The following ATRNL1 variants were observed in gnomAD, a reference collection of about 807,000 sequenced individuals.
The protein encoded by ATRNL1 is attractin like 1.
A neutral mutation model predicts 182.7 loss-of-function variants in ATRNL1; 95 were observed. The observed-to-expected ratio is 0.52, with a 90% CI of 0.44 to 0.62. ATRNL1 has a LOEUF of 0.62. ATRNL1 is among the 20% of genes least tolerant of loss of function. The pLI is 0.00. For synonymous variants in ATRNL1, 576 were observed against 568.3 expected, an observed-to-expected ratio of 1.01 and a Z score of -0.19; for missense variants, 1,471 against 1,679.5, an observed-to-expected ratio of 0.88 and a Z score of 2.17.
At chr10:115,854,445 G>C (rs1428042451) in intron 28 of ATRNL1, among the ~76,000 whole-genome samples, 1 of 152,114 alleles carries the variant, frequency 6.6e-6, no homozygotes, top group Non-Finnish European at 1.5e-5. Flanking sequence ...AGCTTCATCT[G>C]CCCCTTGCCT....
intron 19 of ATRNL1, among the ~76,000 whole-genome samples, chr10:115,377,461 T>C (rs1166536592): frequency 6.6e-6 from 1 of 152,172 alleles, no homozygotes; most frequent in Non-Finnish European, 1.5e-5. Flanking sequence ...AGTGTGAAAA[T>C]GGACTAATAC....
intron 26 of ATRNL1, among the ~76,000 whole-genome samples, chr10:115,621,542 TC>T (rs1202739992): frequency 6.6e-6 from 1 of 151,972 alleles, no homozygotes; most frequent in Non-Finnish European, 1.5e-5. Flanking sequence ...GCTCAAGCAA[TC>T]CACCCACCTC....
intron 26 of ATRNL1, among the ~76,000 whole-genome samples, chr10:115,556,690 AAC>A (rs1853332961): frequency 6.6e-6 from 1 of 152,130 alleles, no homozygotes; most frequent in Non-Finnish European, 1.5e-5. Flanking sequence ...CATTTTACCT[AAC>A]AGACTTCAAT....
intron 17 of ATRNL1, among the ~76,000 whole-genome samples, chr10:115,307,523 A>G (rs927131581): frequency 6.6e-6 from 1 of 152,148 alleles, no homozygotes; most frequent in Admixed American, 6.5e-5. Flanking sequence ...TGGCCTCCCA[A>G]CATGCTGGGA....
intron 2 of ATRNL1, 68 bp downstream of exon 2, chr10:115,120,336 T>C (rs1391759163): frequency 2.4e-6 from 2 of 836,750 alleles, no homozygotes; most frequent in Non-Finnish European, 3.8e-6. Flanking sequence ...CATATTAATG[T>C]CAGAGCATTA....
At chr10:115,923,110 G>A (rs182274303) in intron 28 of ATRNL1, among the ~76,000 whole-genome samples, 2 of 152,246 alleles carry the variant, frequency 1.3e-5, no homozygotes, top group East Asian at 3.9e-4. Flanking sequence ...CTTAGCTGAA[G>A]GATTGCAGTG....
At chr10:115,507,654 G>A (rs1041014247) in intron 24 of ATRNL1, among the ~76,000 whole-genome samples, 25 of 151,954 alleles carry the variant, frequency 1.6e-4, no homozygotes, top group African/African-American at 5.3e-4. Context: ...GAGGTAATTC[G>A]GAGTATTAAG....
In ATRNL1 at chr10:115,156,673, A is replaced by T. The variant is rs782318349; in HGVS notation, c.830-3367A>T. On this transcript the variant is annotated intron_variant, in intron 5 of 28. Coordinates refer to ENST00000355044, the MANE Select transcript of ATRNL1 (RefSeq NM_207303.4). ...TAACCTGCGGAGAAGATTCTTTTTG[A>T]AATTGCACTATAAGGTGAATTTGTT... 8.4e-4 allele frequency among the ~76,000 whole-genome samples: 128 copies of T among 152,098 alleles called. 2 individuals are homozygous for T. Among genetic ancestry groups the T allele is most frequent in the Non-Finnish European group, 3.1e-4 (21 of 68,020 alleles).
chr10:115,748,792 A>G (rs950810514), intron 27 of ATRNL1, among the ~76,000 whole-genome samples: 13 of 152,056 alleles, frequency 8.5e-5, no homozygotes, highest in African/African-American at 2.9e-4. Context: ...TAAGTGAACC[A>G]ATCGATTATA....
At chr10:115,893,093 G>A (rs1405614122) in intron 28 of ATRNL1, among the ~76,000 whole-genome samples, 1 of 152,150 alleles carries the variant, frequency 6.6e-6, no homozygotes, top group African/African-American at 2.4e-5. Flanking sequence ...AGAATGTGTA[G>A]AGGCCATGGG....
At chr10:115,690,438 T>G (rs1262221055) in intron 26 of ATRNL1, among the ~76,000 whole-genome samples, 8 of 152,182 alleles carry the variant, frequency 5.3e-5, no homozygotes, top group African/African-American at 1.9e-4. Context: ...ATGCCCCTGC[T>G]GATCTGACAA....
chr10:115,585,231 T>C (rs1396519456), intron 26 of ATRNL1, among the ~76,000 whole-genome samples: 5,510 of 77,974 alleles, frequency 0.071, 603 homozygotes, highest in African/African-American at 0.22. Context: ...TTCTGTTGAT[T>C]TGGGGTGGAG....
rs369034692 is a variant in ATRNL1 at position 115,665,594 on chromosome 10, A to G, written c.3796-61654A>G. ...AGTGAATACTTCTAATAAAAAATGG[A>G]CACCAATTTAAATCTGTTGCTATCT... On this transcript the variant is annotated intron_variant, in intron 26 of 28. Coordinates refer to ENST00000355044, the MANE Select transcript of ATRNL1 (RefSeq NM_207303.4). Among the ~76,000 whole-genome samples, 207 of 152,282 alleles carry G rather than the reference A, an allele frequency of 1.4e-3. 1 individual carries two copies. The highest frequency in any genetic ancestry group is 4.7e-3 in the African/African-American group (197 of 41,582).
In ATRNL1 at chr10:115,581,242, C is replaced by A. The variant is rs536543684; in HGVS notation, c.3795+31706C>A. 2.0e-5 allele frequency among the ~76,000 whole-genome samples: 3 copies of A among 151,610 alleles called. No homozygotes were observed. The East Asian group carries it at 5.8e-4, about 29-fold the overall frequency. On this transcript the variant is annotated intron_variant, in intron 26 of 28. Transcript: ENST00000355044. ...CCAACTTTTATGCTTATCTTAATCT[C>A]TTTTTTTTCAGTGATCCCCAATTAG...
rs141829891 is a variant in ATRNL1, at chr10:115,324,969, G to A, written c.3037+9233G>A. On this transcript the variant is annotated intron_variant, in intron 18 of 28. Coordinates refer to ENST00000355044, the MANE Select transcript of ATRNL1 (RefSeq NM_207303.4). ...TCCCATTTCTTTTAAAGTGGTATAT[G>A]TGTTGAAAAATGCTTTGGGTAAATT... Among the ~76,000 whole-genome samples, 1,204 of 152,224 alleles carry A rather than the reference G, an allele frequency of 7.9e-3. 17 individuals carry two copies. The highest frequency in any genetic ancestry group is 0.026 in the African/African-American group (1,061 of 41,542).
intron 21 of ATRNL1, among the ~76,000 whole-genome samples, chr10:115,459,395 G>A (rs182381032): frequency 6.6e-6 from 1 of 152,232 alleles, no homozygotes; most frequent in East Asian, 1.9e-4. Flanking sequence ...TCTCAGCATG[G>A]AAAGTCCCTG....
At chr10:115,384,022 C>T (rs1858187904) in intron 19 of ATRNL1, among the ~76,000 whole-genome samples, 2 of 151,804 alleles carry the variant, frequency 1.3e-5, no homozygotes, top group South Asian at 4.1e-4. Context: ...TATAAATAGG[C>T]ACAATTTAAC....
intron 13 of ATRNL1, among the ~76,000 whole-genome samples, chr10:115,272,097 A>T (rs914194694): frequency 1.8e-4 from 28 of 152,174 alleles, no homozygotes; most frequent in African/African-American, 6.5e-4. Context: ...GCAATGAGTA[A>T]AAGTTCCCTG....
intron 28 of ATRNL1, among the ~76,000 whole-genome samples, chr10:115,884,116 C>G (rs1170983470): frequency 6.6e-6 from 1 of 152,198 alleles, no homozygotes; most frequent in Non-Finnish European, 1.5e-5. Context: ...CCATCTGGAC[C>G]TTACCTTTAC....
Sources: allele counts gnomAD v4.1 joint callset (sites outside exome capture counted in the v4.1 genomes callset), GRCh38; gene constraint gnomAD v4.1.1; transcripts MANE v1.5; gene names NCBI Gene and HGNC (gene_info 2026-07-23, HGNC 2026-07-21).